The following ASIC1 variants were observed in gnomAD, a reference collection of about 807,000 sequenced individuals.
ASIC1 encodes acid sensing ion channel subunit 1.
A neutral mutation model predicts 63.4 loss-of-function variants in ASIC1; 21 were observed. The ratio of observed to expected loss-of-function variants is 0.33; its 90% CI spans 0.23 to 0.48. The LOEUF (loss-of-function observed/expected upper bound fraction) is 0.48. ASIC1 is among the 20% of genes least tolerant of loss of function. The probability of loss-of-function intolerance (pLI) is 0.99; values close to 1 mark genes in which losing one functional copy is unlikely to be tolerated. For synonymous variants in ASIC1, 258 were observed against 278.2 expected (o/e 0.93, Z 0.72); for missense variants, 478 against 695.5 (o/e 0.69, Z 3.52).
At chr12:50,080,320 G>A in intron 8 of ASIC1, 178 bp from the exon 9 acceptor site, 1 of 783,804 alleles carries the variant, frequency 1.3e-6, no homozygotes, top group South Asian at 1.6e-5. Context: ...ATATGGTACA[G>A]AACATTTTTT....
At chr12:50,067,744 C>T (rs1414356000) in intron 3 of ASIC1, among the ~76,000 whole-genome samples, 3 of 152,204 alleles carry the variant, frequency 2.0e-5, no homozygotes, top group African/African-American at 4.8e-5. Context: ...TTGAACTATT[C>T]GCTTTCCTGA....
Position 50,075,380 on chromosome 12 carries a change from A to G in ASIC1, c.559-1833A>G, listed in dbSNP as rs199854947. 7.2e-5 allele frequency among the ~76,000 whole-genome samples: 11 copies of G among 152,322 alleles called. No individual in the cohort carries two copies. In the East Asian group the frequency reaches 2.1e-3, roughly 29 times the overall value. ...AGGTGGCAGCAGCAATCCACTGTAC[A>G]GCAGCCCTGTCCTCTGAACCGGCGC... is the stretch of plus-strand genomic sequence containing the variant. On this transcript the variant is annotated intron_variant, in intron 3 of 11. Transcript: ENST00000447966.
chr12:50,075,392 C>G (rs1186213480), intron 3 of ASIC1, among the ~76,000 whole-genome samples: 4 of 152,200 alleles, frequency 2.6e-5, no homozygotes, highest in Non-Finnish European at 5.9e-5. Context: ...CAGCCCTGTC[C>G]TCTGAACCGG....
chr12:50,081,430 A>ACCCCCCCCCC (rs1393834799), intron 11 of ASIC1, 66 bp downstream of exon 11: 1 of 785,012 alleles, frequency 1.3e-6, no homozygotes, highest in Non-Finnish European at 1.7e-6. Context: ...AACCCCGTCC[A>ACCCCCCCCCC]CCCCCGCCCA....
intron 3 of ASIC1, 97 bp from the exon 4 acceptor site, chr12:50,077,116 G>A (rs1565731356): frequency 8.9e-6 from 14 of 1,581,226 alleles, no homozygotes; most frequent in Non-Finnish European, 1.2e-5. Flanking sequence ...ATTCCCAAAG[G>A]GTGTTGAGAT....
chr12:50,080,805 G>C, intron 9 of ASIC1: 1 of 1,309,582 alleles, frequency 7.6e-7, no homozygotes, highest in East Asian at 2.5e-5. Flanking sequence ...GTGGGCATGA[G>C]GGAGGGGTAG....
Position 50,081,912 on chromosome 12 carries a change from C to T in ASIC1, c.*263C>T. The T allele has an allele frequency of 2.0e-6, 1 of 497,374 alleles. No homozygotes were observed. The highest frequency in any genetic ancestry group is 2.4e-5 in the South Asian group (1 of 41,250). The allele number at this position is 497,374 out of a possible 1,614,324, so 30.8% of individuals were successfully genotyped here. ...GGACCTCAGGCTGCCCCTCTCTCCT[C>T]CATGCTGCCTCCCCTAGCTCCCAGC... On this transcript the variant is annotated 3_prime_UTR_variant, in exon 12 of 12. Transcript: ENST00000447966.
intron 3 of ASIC1, among the ~76,000 whole-genome samples, chr12:50,072,644 G>A (rs778902388): frequency 1.2e-4 from 19 of 152,154 alleles, no homozygotes; most frequent in South Asian, 2.1e-4. Context: ...CTGTTCGGGG[G>A]GCGGGGGGCA....
At chr12:50,079,362 G>A (rs542622708) in intron 7 of ASIC1, among the ~76,000 whole-genome samples, 3 of 152,218 alleles carry the variant, frequency 2.0e-5, no homozygotes, top group East Asian at 1.9e-4. Context: ...GCAGTGAGCC[G>A]AGATTGCACC....
At chr12:50,064,750 T>C in intron 3 of ASIC1, among the ~76,000 whole-genome samples, 1 of 151,594 alleles carries the variant, frequency 6.6e-6, no homozygotes, top group South Asian at 2.1e-4. Context: ...TGCTTCTGAG[T>C]GTGTTTCAGT....
chr12:50,066,642 A>T (rs1950548089), intron 3 of ASIC1, among the ~76,000 whole-genome samples: 1 of 152,106 alleles, frequency 6.6e-6, no homozygotes, highest in Admixed American at 6.5e-5. Context: ...CATGCTCAAC[A>T]TCCTTAAATG....
intron 3 of ASIC1, among the ~76,000 whole-genome samples, chr12:50,062,756 A>C (rs1184052901): frequency 6.6e-6 from 1 of 151,902 alleles, no homozygotes; most frequent in African/African-American, 2.4e-5. Flanking sequence ...TCACTCAAAG[A>C]CCCCAGCTCC....
intron 1 of ASIC1, among the ~76,000 whole-genome samples, chr12:50,058,397 G>A (rs1410078958): frequency 2.6e-5 from 4 of 152,216 alleles, no homozygotes; most frequent in African/African-American, 9.6e-5. Context: ...GGATGGGGTG[G>A]ATATTCTTGT....
At chr12:50,067,495 C>A (rs184758399) in intron 3 of ASIC1, among the ~76,000 whole-genome samples, 1 of 151,694 alleles carries the variant, frequency 6.6e-6, no homozygotes, top group Middle Eastern at 3.2e-3. Flanking sequence ...CTGCAACCTC[C>A]GCCTCCTGGG....
chr12:50,074,343 G>T lies in ASIC1; in HGVS notation c.559-2870G>T. 1 of 1,424,548 alleles carries T rather than the reference G, an allele frequency of 7.0e-7. No homozygotes were observed. The highest frequency in any genetic ancestry group is 9.1e-7 in the Non-Finnish European group (1 of 1,092,928). 88.2% of individuals were successfully genotyped at this position (1,424,548 alleles called of 1,614,324 possible). A position where few individuals can be genotyped will look rare whatever the true frequency, so the allele number is the denominator to read the frequency against. ...GGGTTGGGGCTGGGGCTGGGGCTGG[G>T]GCTGATGACTGTGCTGCCCCCTACC... On this transcript the variant is annotated intron_variant, in intron 3 of 11. Transcript: ENST00000447966. The surrounding 1 kb of genome is among the most constrained non-coding windows in gnomAD (Gnocchi z 4.2).
intron 8 of ASIC1, 121 bp downstream of exon 8, chr12:50,080,176 CA>C: frequency 7.3e-7 from 1 of 1,377,482 alleles, no homozygotes; most frequent in Non-Finnish European, 9.8e-7. Flanking sequence ...GGGGAAGGTC[CA>C]AAAGGCAAGC....
intron 3 of ASIC1, among the ~76,000 whole-genome samples, chr12:50,071,223 G>C (rs1422324047): frequency 6.6e-6 from 1 of 151,816 alleles, no homozygotes; most frequent in African/African-American, 2.4e-5. Context: ...ACAGGTGGTG[G>C]TGGCTGGATG....
At chr12:50,071,513 A>G (rs1266632506) in intron 3 of ASIC1, among the ~76,000 whole-genome samples, 1 of 150,784 alleles carries the variant, frequency 6.6e-6, no homozygotes, top group African/African-American at 2.4e-5. Flanking sequence ...CGATCTCCTG[A>G]CCTCTTGATC....
In ASIC1 at chr12:50,074,624, T is replaced by C. The variant is rs567076897; in HGVS notation, c.559-2589T>C. The stretch of plus-strand genomic sequence containing the variant: ...CCTTTGATCTGTTGGTGGACGCCAG[T>C]GCCTGGCCAGTTGTTCACTATTTTG... On this transcript the variant is annotated intron_variant, in intron 3 of 11. Transcript: ENST00000447966. This position sits in a 1 kb window ranked among gnomAD's most constrained non-coding sequence, Gnocchi z 4.2. Among the ~76,000 whole-genome samples, 1 of 152,148 alleles carries C rather than the reference T, an allele frequency of 6.6e-6. No individual in the cohort carries two copies. The highest frequency in any genetic ancestry group is 2.4e-5 in the African/African-American group (1 of 41,444).
Sources: allele counts gnomAD v4.1 joint callset (sites outside exome capture counted in the v4.1 genomes callset), GRCh38; gene constraint gnomAD v4.1.1; non-coding constraint Gnocchi (gnomAD v3.1); transcripts MANE v1.5; gene names NCBI Gene and HGNC (gene_info 2026-07-23, HGNC 2026-07-21).